ANKRD18B: variants seen among roughly 807,000 people sequenced by gnomAD.
ANKRD18B encodes ankyrin repeat domain 18B, also known as ankyrin repeat domain-containing protein 18B.
A neutral mutation model predicts 111.8 loss-of-function variants in ANKRD18B; 75 were observed. The ratio of observed to expected loss-of-function variants is 0.67; its 90% CI spans 0.56 to 0.81. The LOEUF (loss-of-function observed/expected upper bound fraction) is 0.81. Ranked by LOEUF, ANKRD18B falls within the 40% of genes least tolerant of loss-of-function variation. ANKRD18B has a pLI of 0.00. For synonymous variants in ANKRD18B, 356 were observed against 417.3 expected (o/e 0.85, Z 1.79); for missense variants, 1,038 against 1,225.5 (o/e 0.85, Z 2.28).
chr9:33,536,752 A>T (rs1465475621), intron 5 of ANKRD18B, 126 bp from the exon 6 acceptor site: 1 of 577,470 alleles, frequency 1.7e-6, no homozygotes, highest in African/African-American at 2.0e-5. Context: ...TTTAAAGTGT[A>T]TTGGACATTA....
chr9:33,554,804 T>C (rs1372300536), intron 12 of ANKRD18B, among the ~76,000 whole-genome samples: 1 of 152,112 alleles, frequency 6.6e-6, no homozygotes, highest in Non-Finnish European at 1.5e-5. Flanking sequence ...TTGACTTTTA[T>C]ATACACTTCA....
intron 17 of ANKRD18B, among the ~76,000 whole-genome samples, chr9:33,570,581 C>T (rs1259867578): frequency 6.6e-6 from 1 of 151,140 alleles, no homozygotes; most frequent in Non-Finnish European, 1.5e-5. Context: ...CAGACTTTTG[C>T]TAAGAATTTC....
At chr9:33,569,082 A>G (rs1489932486) in intron 17 of ANKRD18B, 189 bp downstream of exon 17, 1 of 498,150 alleles carries the variant, frequency 2.0e-6, no homozygotes, top group Non-Finnish European at 3.3e-6. Context: ...CATTTTCAAG[A>G]GACACCCATT....
Position 33,557,958 on chromosome 9 carries a change from ATTTG to A in ANKRD18B, c.2331-96_2331-93del, listed in dbSNP as rs1458332028. The A allele has an allele frequency of 5.3e-6, 6 of 1,123,218 alleles. No individual in the cohort carries two copies. In the Admixed American group the frequency reaches 9.0e-5, roughly 17 times the overall value. The allele number at this position is 1,123,218 out of a possible 1,614,324, so 69.6% of individuals were successfully genotyped here. A position where few individuals can be genotyped will look rare whatever the true frequency, so the allele number is the denominator to read the frequency against. On this transcript the variant is annotated intron_variant, in intron 13 of 18. Transcript: ENST00000684830. Reference sequence around the variant, plus strand: ...AAACTGAGAGGATCATAGTTTATAGATTTGTTTCTTTGATATGCCATAACATAGT... The same window carrying A: ...AAACTGAGAGGATCATAGTTTATAGATTTCTTTGATATGCCATAACATAGT...
intron 3 of ANKRD18B, among the ~76,000 whole-genome samples, chr9:33,529,426 AC>A (rs1281954068): frequency 2.0e-5 from 3 of 152,144 alleles, no homozygotes; most frequent in Admixed American, 2.0e-4. Context: ...TTTGTTTCCT[AC>A]CCCAGGTGTA....
intron 12 of ANKRD18B, among the ~76,000 whole-genome samples, chr9:33,554,282 T>A (rs1206400234): frequency 1.3e-5 from 2 of 151,978 alleles, no homozygotes; most frequent in Admixed American, 1.3e-4. Context: ...AAAATAACAG[T>A]GTACTCAAAG....
chr9:33,551,289 T>C (rs973905838), intron 12 of ANKRD18B, among the ~76,000 whole-genome samples: 3 of 152,190 alleles, frequency 2.0e-5, no homozygotes, highest in Non-Finnish European at 4.4e-5. Context: ...AATGTACAAC[T>C]CAGTGTCTGT....
rs1828795638 is a variant in ANKRD18B, at chr9:33,572,461, TA to T, written c.*28del. On this transcript the variant is annotated 3_prime_UTR_variant, in exon 19 of 19. Transcript: ENST00000684830. Reference sequence around the variant, plus strand: ...AGATCATAAAACTTTATTACTGGGCTATTTACATGAAATTTTAATTGTTTCT... The same window carrying T: ...AGATCATAAAACTTTATTACTGGGCTTTTACATGAAATTTTAATTGTTTCT... The T allele has an allele frequency of 8.9e-6, 13 of 1,463,304 alleles. No individual in the cohort carries two copies. The highest frequency in any genetic ancestry group is 1.1e-5 in the Non-Finnish European group (12 of 1,089,956). 90.6% of individuals were successfully genotyped at this position (1,463,304 alleles called of 1,614,324 possible). A position where few individuals can be genotyped will look rare whatever the true frequency, so the allele number is the denominator to read the frequency against.
At chr9:33,538,890 A>G (rs141941553) in intron 6 of ANKRD18B, among the ~76,000 whole-genome samples, 3,775 of 152,316 alleles carry the variant, frequency 0.025, 78 homozygotes, top group Non-Finnish European at 0.036. Flanking sequence ...TGAACTGTAT[A>G]AAGACACCGT....
At chr9:33,547,778 T>G (rs1260034130) in intron 10 of ANKRD18B, among the ~76,000 whole-genome samples, 160 bp from the exon 11 acceptor site, 12 of 151,946 alleles carry the variant, frequency 7.9e-5, no homozygotes, top group Non-Finnish European at 1.5e-4. Context: ...AAATGTATGT[T>G]CTCTAAGGTT....
At chr9:33,546,446 A>T (rs1828356635) in intron 10 of ANKRD18B, among the ~76,000 whole-genome samples, 2 of 152,130 alleles carry the variant, frequency 1.3e-5, no homozygotes, top group South Asian at 4.1e-4. Context: ...GTAGGTTTTG[A>T]CATGTATGAT....
At position 33,550,322 on chromosome 9, in the gene ANKRD18B, A is replaced by G; in HGVS notation, c.2068-108A>G. 2.6e-6 allele frequency: 3 copies of G among 1,156,906 alleles called. No individual in the cohort carries two copies. The East Asian group carries it at 7.9e-5, about 30-fold the overall frequency. The allele number at this position is 1,156,906 out of a possible 1,614,324, so 71.7% of individuals were successfully genotyped here. A position where few individuals can be genotyped will look rare whatever the true frequency, so the allele number is the denominator to read the frequency against. On this transcript the variant is annotated intron_variant, in intron 11 of 18. Transcript: ENST00000684830. The stretch of plus-strand genomic sequence containing the variant: ...TGTACATATGAGGAAAAGAAAGTGA[A>G]TCTGTGTGTGTGGTAATAATTTTCA...
At chr9:33,532,977 A>G (rs1321854186) in intron 3 of ANKRD18B, among the ~76,000 whole-genome samples, 1 of 152,236 alleles carries the variant, frequency 6.6e-6, no homozygotes, top group Non-Finnish European at 1.5e-5. Flanking sequence ...TCGGTAAAAC[A>G]ACTACTCTTT....
chr9:33,553,540 TA>T (rs1398179017), intron 12 of ANKRD18B, among the ~76,000 whole-genome samples: 1 of 152,122 alleles, frequency 6.6e-6, no homozygotes, highest in Non-Finnish European at 1.5e-5. Flanking sequence ...CATGAATTCC[TA>T]AGCAGGAGAC....
At chr9:33,559,101 T>G (rs1360944263) in intron 14 of ANKRD18B, among the ~76,000 whole-genome samples, 1 of 152,174 alleles carries the variant, frequency 6.6e-6, no homozygotes, top group African/African-American at 2.4e-5. Flanking sequence ...TTAATTAAGA[T>G]AAGGTCATTA....
At chr9:33,559,137 G>A (rs1828570758) in intron 14 of ANKRD18B, among the ~76,000 whole-genome samples, 1 of 152,170 alleles carries the variant, frequency 6.6e-6, no homozygotes, top group Non-Finnish European at 1.5e-5. Flanking sequence ...TTATTATGTA[G>A]ATGAAGCCTC....
Position 33,568,749 on chromosome 9 carries a change from T to C in ANKRD18B, c.3033T>C (p.Leu1011=), listed in dbSNP as rs1828723900. ...GGATGGAATATTTTCTCAGCACTCT[T>C]CCTATGAGGCCAGACCCAGAGTTAC... The part of the protein sequence containing the change: ...KERMEYFLST[L]PMRPDPELPC... The change falls in exon 17 of 19, where the codon CTT becomes CTC. Residue 1011 remains leucine (L), a synonymous_variant. Transcript: ENST00000684830. The C allele has an allele frequency of 6.4e-7, 1 of 1,551,342 alleles. No individual in the cohort carries two copies. The highest frequency in any genetic ancestry group is 1.2e-5 in the South Asian group (1 of 84,036).
intron 12 of ANKRD18B, among the ~76,000 whole-genome samples, chr9:33,555,098 G>A (rs1186181029): frequency 6.7e-6 from 1 of 150,162 alleles, no homozygotes; most frequent in Non-Finnish European, 1.5e-5. Context: ...TCCAATGGAA[G>A]GGGAGAAACA....
downstream of ANKRD18B, among the ~76,000 whole-genome samples, chr9:33,575,125 G>A (rs771066393): frequency 4.3e-4 from 66 of 152,270 alleles, no homozygotes; most frequent in South Asian, 1.2e-3. Context: ...AGCACTCACC[G>A]GGTGCCTGTT....
Sources: allele counts gnomAD v4.1 joint callset (sites outside exome capture counted in the v4.1 genomes callset), GRCh38; gene constraint gnomAD v4.1.1; transcripts MANE v1.5; gene names NCBI Gene and HGNC (gene_info 2026-07-23, HGNC 2026-07-21).